The following FHDC1 variants were observed in gnomAD, a reference collection of about 807,000 sequenced individuals.
The protein encoded by FHDC1 is FH2 domain-containing protein 1.
A neutral mutation model predicts 52.6 loss-of-function variants in FHDC1; 25 were observed. The observed-to-expected ratio is 0.48, with a 90% CI of 0.35 to 0.66. The LOEUF is 0.66. FHDC1 is among the 30% of genes least tolerant of loss of function. The pLI, the probability that FHDC1 is intolerant of heterozygous loss-of-function variation, is 0.01. For missense variants in FHDC1, 1,459 were observed against 1,452.8 expected, an observed-to-expected ratio of 1.00 and a Z score of -0.07; for synonymous variants, 616 against 581.5, an observed-to-expected ratio of 1.06 and a Z score of -0.85.
rs1257352167 is a variant in FHDC1 at position 152,960,809 on chromosome 4, A to C, written c.815A>C (p.Tyr272Ser). 2 of 1,610,828 alleles carry C rather than the reference A, an allele frequency of 1.2e-6. No individual in the cohort carries two copies. Among genetic ancestry groups the C allele is most frequent in the Non-Finnish European group, 1.7e-6 (2 of 1,179,214 alleles). ...TTTCTACCTTCTTGCTCTTCTCTAT[A>C]TACAGATATAACAGTTTTAAGAACT... is the stretch of plus-strand genomic sequence containing the variant. ...KEFLPSCSSL[Y>S]TDITVLRTAI... The change falls in exon 6 of 12, where the codon TAT (tyrosine) becomes TCT (serine). Residue 272 changes from tyrosine to serine, a missense_variant. Tyr to Ser is a moderately radical substitution (Grantham distance 144). Coordinates refer to ENST00000511601, the MANE Select transcript of FHDC1 (RefSeq NM_001371116.1).
At chr4:152,917,274 T>G in the FHDC1 span, among the ~76,000 whole-genome samples, 2,416 of 152,318 alleles carry the variant, frequency 0.016, 62 homozygotes, top group African/African-American at 0.055. Context: ...ATAGATTTTT[T>G]TAAATGAAGC....
chr4:152,974,898 C>A lies in FHDC1; in HGVS notation c.1607C>A (p.Thr536Asn). Reference protein sequence around the residue: ...PSSPSYRPPNTRRSRLSLGPS... With the variant: ...PSSPSYRPPNNRRSRLSLGPS... ...AGCCCCTCCTACCGGCCCCCGAACA[C>A]CCGCCGCTCCCGCCTCTCCCTGGGT... The change falls in exon 12 of 12, where the codon ACC becomes AAC. Residue 536 changes from threonine (T) to asparagine (N), a missense_variant. This residue lies in a region of FHDC1 where 939 missense variants were observed against 854.5 expected (regional missense o/e 1.10). Transcript: ENST00000511601. 1 of 1,608,766 alleles carries A rather than the reference C, an allele frequency of 6.2e-7. No individual in the cohort carries two copies. Among genetic ancestry groups the A allele is most frequent in the Non-Finnish European group, 8.5e-7 (1 of 1,178,366 alleles).
intron 4 of FHDC1, among the ~76,000 whole-genome samples, chr4:152,958,139 A>C (rs761097589): frequency 3.9e-5 from 6 of 152,188 alleles, no homozygotes; most frequent in Non-Finnish European, 8.8e-5. Context: ...TGCCATTTCA[A>C]GCCATGTGAC....
chr4:152,922,756 C>T, the FHDC1 span, among the ~76,000 whole-genome samples: 2 of 151,962 alleles, frequency 1.3e-5, no homozygotes, highest in Non-Finnish European at 2.9e-5. Flanking sequence ...AAGACAAAAA[C>T]CACATGATTA....
chr4:152,924,488 G>A, the FHDC1 span, among the ~76,000 whole-genome samples: 334 of 152,230 alleles, frequency 2.2e-3, 1 homozygote, highest in Non-Finnish European at 3.2e-3. Flanking sequence ...AATACCATTC[G>A]ACCCAGCCAT....
rs1167680542 is a variant in FHDC1 at position 152,943,084 on chromosome 4, G to C, written c.27G>C (p.Leu9Phe). The C allele has an allele frequency of 6.2e-7, 1 of 1,613,382 alleles. No homozygotes were observed. Among genetic ancestry groups the C allele is most frequent in the Non-Finnish European group, 8.5e-7 (1 of 1,179,658 alleles). MHVMNCVS[L>F]VSDKENGNIA... Reference sequence around the variant, plus strand: ...TGCATGTTATGAATTGTGTCTCCTTGGTCAGTGATAAAGAAAATGGGAATA... The same window carrying C: ...TGCATGTTATGAATTGTGTCTCCTTCGTCAGTGATAAAGAAAATGGGAATA... The change falls in exon 2 of 12, where the codon TTG (leucine) becomes TTC (phenylalanine). Residue 9 changes from leucine (L) to phenylalanine (F), a missense_variant. Physicochemically the swap from Leu to Phe is conservative, Grantham distance 22. Around this residue, in one of 3 missense-constraint regions of FHDC1, gnomAD observed 513 missense variants for 581.5 expected, o/e 0.88. Transcript: ENST00000511601.
the FHDC1 span, among the ~76,000 whole-genome samples, chr4:152,914,035 C>CT: frequency 6.6e-6 from 1 of 152,116 alleles, no homozygotes; most frequent in African/African-American, 2.4e-5. Context: ...TCTAATTCCC[C>CT]TTTAAGACTA....
At chr4:152,929,599 CTG>C in the FHDC1 span, among the ~76,000 whole-genome samples, 1 of 152,192 alleles carries the variant, frequency 6.6e-6, no homozygotes, top group Non-Finnish European at 1.5e-5. The surrounding 1 kb of genome is among the most constrained non-coding windows in gnomAD (Gnocchi z 4.1). Flanking sequence ...TCTGTAGACT[CTG>C]TACATGAGTT....
chr4:152,930,439 C>T, the FHDC1 span, among the ~76,000 whole-genome samples: 4 of 151,876 alleles, frequency 2.6e-5, no homozygotes, highest in African/African-American at 9.7e-5. Flanking sequence ...AGTTAATTAC[C>T]AGATCCTTGT....
chr4:152,962,940 G>GGTGTGTGT (rs34181980), intron 7 of FHDC1, 56 bp downstream of exon 7: 13,925 of 932,838 alleles, frequency 0.015, 107 homozygotes, highest in African/African-American at 0.057. Context: ...TCTATCTAAA[G>GGTGTGTGT]GTGTGTGTGT....
intron 2 of FHDC1, among the ~76,000 whole-genome samples, chr4:152,948,061 T>C (rs934591683): frequency 1.2e-4 from 18 of 152,236 alleles, no homozygotes; most frequent in Admixed American, 3.9e-4. Flanking sequence ...CATTTTTTTT[T>C]CCCCAAAGTT....
intron 1 of FHDC1, among the ~76,000 whole-genome samples, chr4:152,942,541 A>G (rs1579080956): frequency 6.6e-6 from 1 of 152,218 alleles, no homozygotes; most frequent in East Asian, 1.9e-4. Flanking sequence ...ACTCATGCCT[A>G]ATGCTCCAGC....
chr4:152,914,494 T>C, the FHDC1 span, among the ~76,000 whole-genome samples: 31 of 152,224 alleles, frequency 2.0e-4, no homozygotes, highest in Non-Finnish European at 4.4e-5. Context: ...TCTACTCTTG[T>C]GCAGTTAATT....
Position 152,975,548 on chromosome 4 carries a change from G to A in FHDC1, c.2257G>A (p.Ala753Thr). 6.2e-7 allele frequency: 1 copy of A among 1,613,658 alleles called. No individual in the cohort carries two copies. Among genetic ancestry groups the A allele is most frequent in the Non-Finnish European group, 8.5e-7 (1 of 1,180,032 alleles). The change falls in exon 12 of 12, where the codon GCT becomes ACT. Residue 753 changes from alanine to threonine, a missense_variant. By Grantham distance (58) the Ala-to-Thr change is moderately conservative. Around this residue, in one of 3 missense-constraint regions of FHDC1, gnomAD observed 939 missense variants for 854.5 expected, o/e 1.10. Transcript: ENST00000511601. ...TGCCCCCGATGAGCCTGGAAGTGCA[G>A]CTTTGGGATCTGTGGGTAGCAGCGA... ...KAAPDEPGSA[A>T]LGSVGSSDPE... is the part of the protein sequence containing the mutation.
In FHDC1 at chr4:152,943,267, T is replaced by TA; in HGVS notation, c.210_211insA (p.Pro71ThrfsTer23). 1 of 1,176,478 alleles carries TA rather than the reference T, an allele frequency of 8.5e-7. No individual in the cohort carries two copies. The highest frequency in any genetic ancestry group is 1.1e-6 in the Non-Finnish European group (1 of 909,532). 72.9% of individuals were successfully genotyped at this position (1,176,478 alleles called of 1,614,324 possible). ...CACCACCTCCACTTCCTGGGGAGCC[T>TA]CCCATCCCACCTCCCCCACCAGGCC... On this transcript the variant is annotated frameshift_variant, in exon 2 of 12. Transcript: ENST00000511601. LOFTEE classifies it high-confidence loss of function.
chr4:152,976,140 C>G lies in FHDC1; in HGVS notation c.2849C>G (p.Thr950Arg). ...CAGAACTCCGTGCGGAGGGCCTCCACAGGCGCCGAAGAGCAGAGGCTGCCG... is the reference window on the plus strand; with the variant it reads ...CAGAACTCCGTGCGGAGGGCCTCCAGAGGCGCCGAAGAGCAGAGGCTGCCG... ...SRQNSVRRASTGAEEQRLPRG... is the reference protein window; with the variant it reads ...SRQNSVRRASRGAEEQRLPRG... The change falls in exon 12 of 12, where the codon ACA (threonine) becomes AGA (arginine). Residue 950 changes from threonine (T) to arginine (R), a missense_variant. By Grantham distance (71) the Thr-to-Arg change is moderately conservative. Coordinates refer to ENST00000511601, the MANE Select transcript of FHDC1 (RefSeq NM_001371116.1). The G allele has an allele frequency of 1.9e-6, 3 of 1,611,494 alleles. No individual in the cohort carries two copies. Among genetic ancestry groups the G allele is most frequent in the Non-Finnish European group, 2.5e-6 (3 of 1,179,224 alleles).
intron 2 of FHDC1, among the ~76,000 whole-genome samples, chr4:152,947,878 A>G (rs1739781895): frequency 6.6e-6 from 1 of 152,234 alleles, no homozygotes; most frequent in Non-Finnish European, 1.5e-5. Context: ...AATTTATGAC[A>G]AGTAATAAAT....
At position 152,976,367 on chromosome 4, in the gene FHDC1, C is replaced by T; in HGVS notation, c.3076C>T (p.Pro1026Ser). The T allele has an allele frequency of 6.2e-7, 1 of 1,613,812 alleles. No homozygotes were observed. The highest frequency in any genetic ancestry group is 8.5e-7 in the Non-Finnish European group (1 of 1,180,016). The change falls in exon 12 of 12, where the codon CCC (proline) becomes TCC (serine). Residue 1026 changes from proline (P) to serine (S), a missense_variant. Physicochemically the swap from Pro to Ser is moderately conservative, Grantham distance 74 (BLOSUM62 -1). Transcript: ENST00000511601. ...CAAGACCCCGTCAGTGCCCAGCGTC[C>T]CCCACGAACTACCCCGTGTCCCGAG... ...EPKTPSVPSV[P>S]HELPRVPSFA...
At position 152,943,153 on chromosome 4, in the gene FHDC1, A is replaced by G; in HGVS notation, c.96A>G (p.Pro32=). ...PGFMIGQTPP[P]APPPPPPPPP... ...TCATGATTGGGCAGACACCTCCTCC[A>G]GCACCTCCTCCACCTCCTCCTCCAC... The change falls in exon 2 of 12, where the codon CCA becomes CCG. Residue 32 remains proline, a synonymous_variant. Coordinates refer to ENST00000511601, the MANE Select transcript of FHDC1 (RefSeq NM_001371116.1). 6.2e-7 allele frequency: 1 copy of G among 1,613,922 alleles called. No homozygotes were observed. Among genetic ancestry groups the G allele is most frequent in the South Asian group, 1.1e-5 (1 of 91,058 alleles).
Sources: allele counts gnomAD v4.1 joint callset (sites outside exome capture counted in the v4.1 genomes callset), GRCh38; gene constraint gnomAD v4.1.1; regional missense constraint gnomAD v4.1.1; non-coding constraint Gnocchi (gnomAD v3.1); transcripts MANE v1.5; gene names NCBI Gene and HGNC (gene_info 2026-07-23, HGNC 2026-07-21).